The following ZNF33A variants were observed in gnomAD, a reference collection of about 807,000 sequenced individuals.
The protein encoded by ZNF33A is brain my041 protein.
In ZNF33A, 9 loss-of-function variants were observed where a neutral mutation model predicts 15.9. The observed-to-expected ratio is 0.57, with a 90% confidence interval of 0.34 to 0.99. ZNF33A has a LOEUF of 0.99. ZNF33A is among the 50% of genes least tolerant of loss of function. The pLI is 0.02. For synonymous variants in ZNF33A, 294 were observed against 324.2 expected, an observed-to-expected ratio of 0.91 and a Z score of 1.00; for missense variants, 843 against 941.6, an observed-to-expected ratio of 0.90 and a Z score of 1.37.
chr10:38,048,014 A>G (rs2066033006), intron 4 of ZNF33A, among the ~76,000 whole-genome samples: 2 of 152,220 alleles, frequency 1.3e-5, no homozygotes, highest in South Asian at 2.1e-4. Context: ...AGAGTAGAAC[A>G]TTATTTTTAG....
At position 38,054,622 on chromosome 10, in the gene ZNF33A, GT is replaced by G; in HGVS notation, c.499del (p.Ser167LeufsTer28). On this transcript the variant is annotated frameshift_variant, in exon 5 of 5. Coordinates refer to ENST00000432900, the MANE Select transcript of ZNF33A (RefSeq NM_006954.2). LOFTEE classifies it low-confidence loss of function (END_TRUNC). Reference protein sequence around the residue: ...ISKINYLGKKSDEFNACGKLL... With the variant: ...ISKINYLGKKXDEFNACGKLL... ...GTAAGATAAACTATTTAGGAAAAAA[GT>G]CTGATGAATTTAATGCCTGTGGGAA... The G allele has an allele frequency of 6.2e-7, 1 of 1,612,510 alleles. No individual in the cohort carries two copies. Among genetic ancestry groups the G allele is most frequent in the Non-Finnish European group, 8.5e-7 (1 of 1,179,596 alleles).
chr10:38,058,006 C>T lies in ZNF33A; in HGVS notation c.*1446C>T, dbSNP rs1196931223. On this transcript the variant is annotated 3_prime_UTR_variant, in exon 5 of 5. Coordinates refer to ENST00000432900, the MANE Select transcript of ZNF33A (RefSeq NM_006954.2). Reference sequence around the variant, plus strand: ...TTATTGATAGTGTGAAGATTGTACACTATATTACATGATCAGATCATACAA... The same window carrying T: ...TTATTGATAGTGTGAAGATTGTACATTATATTACATGATCAGATCATACAA... 14 of 984,956 alleles carry T rather than the reference C, an allele frequency of 1.4e-5. No homozygotes were observed. Among genetic ancestry groups the T allele is most frequent in the African/African-American group, 1.7e-5 (1 of 57,182 alleles). 61.0% of individuals were successfully genotyped at this position (984,956 alleles called of 1,614,324 possible). A position where few individuals can be genotyped will look rare whatever the true frequency, so the allele number is the denominator to read the frequency against.
chr10:38,054,691 G>C lies in ZNF33A; in HGVS notation c.567G>C (p.Glu189Asp). The change falls in exon 5 of 5, where the codon GAG becomes GAC. Residue 189 changes from glutamate (E) to aspartate (D), a missense_variant. Glu to Asp is a conservative substitution (Grantham distance 45). Transcript: ENST00000432900. ...NIKHDETHTQ[E>D]KNEVLKNRNT... ...AGCATGATGAAACTCATACTCAAGA[G>C]AAAAATGAAGTTTTGAAAAATAGGA... 2.5e-6 allele frequency: 4 copies of C among 1,613,726 alleles called. No individual in the cohort carries two copies. Among genetic ancestry groups the C allele is most frequent in the Non-Finnish European group, 3.4e-6 (4 of 1,179,912 alleles).
downstream of ZNF33A, among the ~76,000 whole-genome samples, chr10:38,066,078 G>A (rs2066707460): frequency 6.6e-6 from 1 of 152,036 alleles, no homozygotes; most frequent in Non-Finnish European, 1.5e-5. Context: ...TCTTCATCTG[G>A]CCTTCCTGAA....
chr10:38,017,568 C>T, intron 4 of ZNF33A, 182 bp downstream of exon 4: 1 of 453,316 alleles, frequency 2.2e-6, no homozygotes. Context: ...ACAAAAAATT[C>T]CTCCTTTTTG....
rs1356185616 is a variant in ZNF33A at position 38,055,147 on chromosome 10, G to A, written c.1023G>A (p.Lys341=). 6.2e-7 allele frequency: 1 copy of A among 1,614,110 alleles called. No homozygotes were observed. ...CNECGKAFWE[K]SHLTRHQRVH... Reference sequence around the variant, plus strand: ...AATGTGGGAAAGCTTTCTGGGAGAAGTCACATCTCACTCGACATCAGAGGG... The same window carrying A: ...AATGTGGGAAAGCTTTCTGGGAGAAATCACATCTCACTCGACATCAGAGGG... The change falls in exon 5 of 5, where the codon AAG becomes AAA. Residue 341 remains lysine (K), a synonymous_variant. Coordinates refer to ENST00000432900, the MANE Select transcript of ZNF33A (RefSeq NM_006954.2).
In ZNF33A at chr10:38,039,398, G is replaced by GTTTTTT. The variant is rs59435586; in HGVS notation, c.251-14972_251-14967dup. 1,709 of 390,946 alleles carry GTTTTTT rather than the reference G, an allele frequency of 4.4e-3. 5 individuals are homozygous for GTTTTTT. Among genetic ancestry groups the GTTTTTT allele is most frequent in the Non-Finnish European group, 6.7e-3 (1,305 of 195,622 alleles). 24.2% of individuals were successfully genotyped at this position (390,946 alleles called of 1,614,324 possible). On this transcript the variant is annotated intron_variant, in intron 4 of 4. Transcript: ENST00000432900. ...CCAGCACACCCAGCTAATTTTTTGT[G>GTTTTTT]TTTTTTTTTTGTAGAGATGGGGTTT...
At position 38,017,283 on chromosome 10, in the gene ZNF33A, G is replaced by T; in HGVS notation, c.155-8G>T. 1.9e-6 allele frequency: 3 copies of T among 1,612,740 alleles called. No homozygotes were observed. The highest frequency in any genetic ancestry group is 2.5e-6 in the Non-Finnish European group (3 of 1,179,108). On this transcript the variant is annotated splice_region_variant and splice_polypyrimidine_tract_variant and intron_variant, in intron 3 of 4. Transcript: ENST00000432900. Reference sequence around the variant, plus strand: ...TGGTCCAAATCCTAAATTATTTCCTGTTAACAGGGTATTGTGTTCACAAAC... The same window carrying T: ...TGGTCCAAATCCTAAATTATTTCCTTTTAACAGGGTATTGTGTTCACAAAC...
At chr10:38,025,824 A>C (rs2064962930) in intron 4 of ZNF33A, among the ~76,000 whole-genome samples, 2 of 152,370 alleles carry the variant, frequency 1.3e-5, no homozygotes, top group Admixed American at 1.3e-4. Flanking sequence ...CCATTTTAAC[A>C]GTCCAGTGGC....
At chr10:38,010,921 G>A (rs2064142458) in intron 1 of ZNF33A, 138 bp downstream of exon 1, 1 of 1,040,462 alleles carries the variant, frequency 9.6e-7, no homozygotes, top group Non-Finnish European at 1.4e-6. Flanking sequence ...CGGGGCTGCA[G>A]CGTGTGGGCC....
intron 1 of ZNF33A, among the ~76,000 whole-genome samples, 178 bp downstream of exon 1, chr10:38,010,961 G>T (rs1036263367): frequency 6.6e-6 from 1 of 152,204 alleles, no homozygotes; most frequent in Non-Finnish European, 1.5e-5. Context: ...TCAAAGGCGC[G>T]GCCTCTGTAC....
chr10:38,013,099 T>A (rs1408598986), intron 2 of ZNF33A, among the ~76,000 whole-genome samples: 1 of 152,154 alleles, frequency 6.6e-6, no homozygotes, highest in Non-Finnish European at 1.5e-5. Context: ...TAAATTAAAA[T>A]GTATTTTAAT....
At chr10:38,020,390 A>G (rs768964444) in intron 4 of ZNF33A, among the ~76,000 whole-genome samples, 1 of 152,160 alleles carries the variant, frequency 6.6e-6, no homozygotes, top group Non-Finnish European at 1.5e-5. Context: ...TTCAAAATGT[A>G]CAATTAAATT....
rs553286061 is a variant in ZNF33A, at chr10:38,029,043, T to C, written c.250+11657T>C. ...ATAATGTAAATTTTTATTTAGTTCT[T>C]ATCCATTTATCTTTTAAGTCCCGCA... is the stretch of plus-strand genomic sequence containing the variant. On this transcript the variant is annotated intron_variant, in intron 4 of 4. Coordinates refer to ENST00000432900, the MANE Select transcript of ZNF33A (RefSeq NM_006954.2). 9.8e-5 allele frequency among the ~76,000 whole-genome samples: 15 copies of C among 152,342 alleles called. 2 individuals carry two copies. Among genetic ancestry groups the C allele is most frequent in the African/African-American group, 3.4e-4 (14 of 41,578 alleles).
chr10:38,026,504 T>A (rs1351055321), intron 4 of ZNF33A, among the ~76,000 whole-genome samples: 1 of 151,924 alleles, frequency 6.6e-6, no homozygotes, highest in Admixed American at 6.6e-5. Flanking sequence ...CTGGCTAATT[T>A]TTGTGGTTTT....
intron 4 of ZNF33A, among the ~76,000 whole-genome samples, chr10:38,053,112 G>C (rs1200546934): frequency 1.3e-5 from 2 of 151,706 alleles, no homozygotes; most frequent in African/African-American, 2.4e-5. Flanking sequence ...CCTTTGCAAT[G>C]CTGTTTATTC....
chr10:38,037,480 T>C (rs2065504893), intron 4 of ZNF33A, among the ~76,000 whole-genome samples: 1 of 151,982 alleles, frequency 6.6e-6, no homozygotes, highest in Non-Finnish European at 1.5e-5. Flanking sequence ...TGCGCCACCA[T>C]GCTTGGCTAA....
At chr10:38,050,094 C>T (rs1488314466) in intron 4 of ZNF33A, among the ~76,000 whole-genome samples, 1 of 152,180 alleles carries the variant, frequency 6.6e-6, no homozygotes, top group East Asian at 1.9e-4. Flanking sequence ...ATTAATAGTA[C>T]CACTTCTATA....
At chr10:38,018,816 G>T in intron 4 of ZNF33A, among the ~76,000 whole-genome samples, 1 of 152,042 alleles carries the variant, frequency 6.6e-6, no homozygotes. Flanking sequence ...AGAAGTAATG[G>T]CTGGACCTTC....
Sources: gnomAD v4.1 joint callset for allele counts (sites outside exome capture counted in the v4.1 genomes callset) on GRCh38, gnomAD v4.1.1 for gene constraint, MANE v1.5 for transcripts, NCBI Gene and HGNC (gene_info 2026-07-23, HGNC 2026-07-21) for gene names.